Variants in SLC35D4 observed in about 807,000 individuals in gnomAD.
The protein encoded by SLC35D4 is solute carrier family 35 member D4, also known as UDP-N-acetylglucosamine transporter SLC35D4.
the SLC35D4 span, among the ~76,000 whole-genome samples, chr18:23,419,088 T>C: frequency 6.6e-6 from 1 of 152,128 alleles, no homozygotes; most frequent in African/African-American, 2.4e-5. Context: ...ACAAGGTGAA[T>C]GACTTAGCCT....
chr18:23,324,733 G>A, the SLC35D4 span, among the ~76,000 whole-genome samples: 6 of 152,194 alleles, frequency 3.9e-5, no homozygotes, highest in Non-Finnish European at 5.9e-5. Flanking sequence ...GGAATTACCA[G>A]GGGAGGAAGA....
chr18:23,266,429 C>T, the SLC35D4 span, among the ~76,000 whole-genome samples: 2 of 151,200 alleles, frequency 1.3e-5, no homozygotes, highest in Admixed American at 6.6e-5. Flanking sequence ...AAAAACAAAT[C>T]CTGCTTTATA....
At chr18:23,239,601 G>A in the SLC35D4 span, among the ~76,000 whole-genome samples, 1 of 152,168 alleles carries the variant, frequency 6.6e-6, no homozygotes, top group Non-Finnish European at 1.5e-5. Flanking sequence ...GGGGCGCTGG[G>A]GTGTTTGCTT....
chr18:23,288,010 C>T, the SLC35D4 span, among the ~76,000 whole-genome samples: 1 of 152,188 alleles, frequency 6.6e-6, no homozygotes, highest in African/African-American at 2.4e-5. Flanking sequence ...TATTTTCTTC[C>T]TCACACCTGA....
chr18:23,253,525 C>G, the SLC35D4 span, among the ~76,000 whole-genome samples: 1 of 152,138 alleles, frequency 6.6e-6, no homozygotes, highest in Non-Finnish European at 1.5e-5. Context: ...TACGACCTGA[C>G]CAACAGAGAA....
the SLC35D4 span, among the ~76,000 whole-genome samples, chr18:23,292,551 G>T: frequency 6.6e-6 from 1 of 152,328 alleles, no homozygotes; most frequent in African/African-American, 2.4e-5. Context: ...TCACCTCAGA[G>T]ATGTGAGGAA....
At chr18:23,245,665 G>C in the SLC35D4 span, among the ~76,000 whole-genome samples, 1 of 152,224 alleles carries the variant, frequency 6.6e-6, no homozygotes, top group East Asian at 1.9e-4. Flanking sequence ...CAGCAGGGCA[G>C]GCCAGGCAGG....
the SLC35D4 span, among the ~76,000 whole-genome samples, chr18:23,340,083 T>A: frequency 0.021 from 3,205 of 152,298 alleles, 46 homozygotes; most frequent in Non-Finnish European, 0.033. Flanking sequence ...CCTCCGTGCA[T>A]GCCTCTCTCC....
At chr18:23,367,616 A>G in the SLC35D4 span, among the ~76,000 whole-genome samples, 2 of 152,146 alleles carry the variant, frequency 1.3e-5, no homozygotes, top group Admixed American at 6.5e-5. Flanking sequence ...GGCAAGAACC[A>G]TATTTTATTC....
At chr18:23,424,656 A>T in the SLC35D4 span, among the ~76,000 whole-genome samples, 1 of 152,202 alleles carries the variant, frequency 6.6e-6, no homozygotes, top group Non-Finnish European at 1.5e-5. Context: ...TAAGAGAGAA[A>T]CCAGTATCCC....
chr18:23,326,469 TG>T, the SLC35D4 span, among the ~76,000 whole-genome samples: 31 of 152,264 alleles, frequency 2.0e-4, no homozygotes, highest in South Asian at 5.4e-3. Context: ...CATTACATAA[TG>T]GTAAAGGGAT....
chr18:23,276,557 C>T, the SLC35D4 span, among the ~76,000 whole-genome samples: 1 of 151,980 alleles, frequency 6.6e-6, no homozygotes, highest in Non-Finnish European at 1.5e-5. Context: ...GCAGAGACTG[C>T]TGCCACCAGT....
the SLC35D4 span, among the ~76,000 whole-genome samples, chr18:23,292,327 G>A: frequency 6.0e-3 from 913 of 152,324 alleles, 2 homozygotes; most frequent in Admixed American, 0.01. Context: ...TGCGGGTTCT[G>A]GAAACACGCA....
chr18:23,249,489 G>A, the SLC35D4 span, among the ~76,000 whole-genome samples: 3 of 152,228 alleles, frequency 2.0e-5, no homozygotes, highest in Non-Finnish European at 4.4e-5. Flanking sequence ...TCATGGTGCA[G>A]GTGCGAGGCC....
chr18:23,240,349 C>T, the SLC35D4 span, among the ~76,000 whole-genome samples: 1 of 152,088 alleles, frequency 6.6e-6, no homozygotes, highest in Admixed American at 6.5e-5. Flanking sequence ...GAAGTCGTTG[C>T]CCTTCCCCCT....
the SLC35D4 span, among the ~76,000 whole-genome samples, chr18:23,268,049 C>A: frequency 6.6e-6 from 1 of 152,202 alleles, no homozygotes; most frequent in African/African-American, 2.4e-5. Context: ...ATGCTGCAGC[C>A]ATTTGGCCTC....
At chr18:23,321,903 T>C in the SLC35D4 span, among the ~76,000 whole-genome samples, 21 of 152,330 alleles carry the variant, frequency 1.4e-4, no homozygotes, top group African/African-American at 4.8e-4. Flanking sequence ...GCACACAGCC[T>C]TTTTCCCTTC....
At chr18:23,328,530 T>A in the SLC35D4 span, among the ~76,000 whole-genome samples, 2 of 152,034 alleles carry the variant, frequency 1.3e-5, no homozygotes, top group Non-Finnish European at 2.9e-5. Context: ...GAGAACTACA[T>A]ACCACTGCTC....
the SLC35D4 span, among the ~76,000 whole-genome samples, chr18:23,426,768 T>C: frequency 6.6e-6 from 1 of 152,150 alleles, no homozygotes; most frequent in East Asian, 1.9e-4. Context: ...CTTCAAACTA[T>C]ACTACAAGGC....
Sources: allele counts gnomAD v4.1 joint callset (sites outside exome capture counted in the v4.1 genomes callset), GRCh38; gene constraint gnomAD v4.1.1; transcripts MANE v1.5; gene names NCBI Gene and HGNC (gene_info 2026-07-23, HGNC 2026-07-21).